RNF130: variants seen among roughly 807,000 people sequenced by gnomAD.
RNF130 encodes ring finger protein 130.
Under a neutral mutation model 44.6 loss-of-function variants are expected in RNF130, and 21 were observed. That is an observed-to-expected ratio of 0.47 (90% CI 0.33 to 0.68). RNF130 has a LOEUF of 0.68. Among genes scored for constraint, RNF130 ranks in the 30% least tolerant of loss-of-function variants. The pLI, the probability that RNF130 is intolerant of heterozygous loss-of-function variation, is 0.02. For synonymous variants in RNF130, 214 were observed against 210.4 expected (o/e 1.02, Z -0.15); for missense variants, 479 against 560.6 (o/e 0.85, Z 1.47).
intron 3 of RNF130, among the ~76,000 whole-genome samples, chr5:180,005,771 T>C (rs1311151944): frequency 6.6e-6 from 1 of 152,202 alleles, no homozygotes; most frequent in Non-Finnish European, 1.5e-5. Context: ...GAATAACTCC[T>C]ATACCACACA....
At chr5:180,025,107 G>C (rs980044457) in intron 2 of RNF130, among the ~76,000 whole-genome samples, 2 of 152,158 alleles carry the variant, frequency 1.3e-5, no homozygotes, top group Admixed American at 6.5e-5. Context: ...GCATCAATGC[G>C]GGGTAGAGAT....
At chr5:180,023,435 G>A (rs1221095507) in intron 2 of RNF130, among the ~76,000 whole-genome samples, 1 of 152,130 alleles carries the variant, frequency 6.6e-6, no homozygotes, top group Admixed American at 6.5e-5. Context: ...TGTCATTACT[G>A]ATAAAGTTCA....
rs1168775902 is a variant in RNF130, at chr5:179,998,857, TTTTATATATATA to T, written c.693+14192_693+14203del. Among the ~76,000 whole-genome samples the T allele has an allele frequency of 1.1e-4, 7 of 65,232 alleles. 1 individual carries two copies. Among genetic ancestry groups the T allele is most frequent in the South Asian group, 4.7e-4 (1 of 2,136 alleles). 42.8% of individuals were successfully genotyped at this position (65,232 alleles called of 152,430 possible). ...TATCTCTCTCTTTAGATCTAGTATT[TTTTATATATATA>T]TATATATATATATATGTTTTATATA... On this transcript the variant is annotated intron_variant, in intron 3 of 8. Coordinates refer to ENST00000521389, the MANE Select transcript of RNF130 (RefSeq NM_018434.6).
At chr5:180,032,227 AAC>A (rs1359902125) in intron 2 of RNF130, among the ~76,000 whole-genome samples, 4 of 152,168 alleles carry the variant, frequency 2.6e-5, no homozygotes, top group African/African-American at 9.7e-5. Flanking sequence ...TTTTTTTATA[AAC>A]AGTGTTTTTG....
At chr5:179,990,761 C>T (rs1362702707) in intron 3 of RNF130, among the ~76,000 whole-genome samples, 1 of 152,232 alleles carries the variant, frequency 6.6e-6, no homozygotes, top group African/African-American at 2.4e-5. Context: ...GGCTCACACT[C>T]TTGTCTTCTG....
chr5:179,970,984 A>C (rs989245494), intron 5 of RNF130, among the ~76,000 whole-genome samples: 1 of 152,224 alleles, frequency 6.6e-6, no homozygotes, highest in Non-Finnish European at 1.5e-5. Flanking sequence ...TAAGCAACTT[A>C]TGTTGAATGT....
At chr5:180,057,084 C>T (rs1234669914) in intron 1 of RNF130, among the ~76,000 whole-genome samples, 1 of 152,200 alleles carries the variant, frequency 6.6e-6, no homozygotes, top group Non-Finnish European at 1.5e-5. Context: ...ACCATACCAG[C>T]GTCTGTGCTA....
chr5:179,937,629 T>G (rs1019785628), intron 7 of RNF130, among the ~76,000 whole-genome samples: 4 of 152,186 alleles, frequency 2.6e-5, no homozygotes, highest in African/African-American at 9.7e-5. Context: ...TTAGCCATTG[T>G]GTAAAAGAGT....
chr5:180,036,845 TAAGA>T (rs55761202), intron 2 of RNF130, among the ~76,000 whole-genome samples: 121,026 of 151,676 alleles, frequency 0.8, 48,492 homozygotes, highest in South Asian at 0.93. Context: ...ACACTCAGCT[TAAGA>T]AATAAAACAT....
At chr5:179,912,014 G>A (rs1755620895) in exon 8 of RNF130, 1 of 152,196 alleles carries the variant, frequency 6.6e-6, no homozygotes, top group South Asian at 2.1e-4. Flanking sequence ...CAAGTGCATA[G>A]TTTCCTTTTC....
chr5:180,041,848 A>G (rs1461103399), intron 1 of RNF130, among the ~76,000 whole-genome samples: 3 of 152,198 alleles, frequency 2.0e-5, no homozygotes, highest in Non-Finnish European at 2.9e-5. Flanking sequence ...AAGCCGAGGC[A>G]GGTAGATTGC....
At chr5:179,949,762 C>CGCTTGGCACGCA (rs1261708832) in intron 7 of RNF130, among the ~76,000 whole-genome samples, 5 of 152,176 alleles carry the variant, frequency 3.3e-5, no homozygotes, top group Non-Finnish European at 7.3e-5. Context: ...CAGCCTGCGT[C>CGCTTGGCACGCA]GCTTGGCACG....
At chr5:180,026,399 G>T (rs1391337217) in intron 2 of RNF130, among the ~76,000 whole-genome samples, 2 of 152,138 alleles carry the variant, frequency 1.3e-5, no homozygotes, top group African/African-American at 4.8e-5. Context: ...TTTCAGACAA[G>T]TATGCATTAT....
At chr5:180,030,322 T>C (rs765872376) in intron 2 of RNF130, among the ~76,000 whole-genome samples, 1 of 152,172 alleles carries the variant, frequency 6.6e-6, no homozygotes, top group African/African-American at 2.4e-5. Flanking sequence ...AATCTTGTAT[T>C]TGTGTTGCTT....
intron 3 of RNF130, among the ~76,000 whole-genome samples, chr5:180,000,834 T>C (rs1763317885): frequency 1.3e-5 from 2 of 152,248 alleles, no homozygotes; most frequent in Non-Finnish European, 2.9e-5. Flanking sequence ...TGAGTTTCCA[T>C]ACGATCATAA....
At chr5:179,956,208 C>T (rs1561668227) in intron 8 of RNF130, 2 of 152,570 alleles carry the variant, frequency 1.3e-5, no homozygotes, top group Non-Finnish European at 2.9e-5. Context: ...CTGCTGCCCT[C>T]TCTGCAGCCC....
intron 7 of RNF130, among the ~76,000 whole-genome samples, chr5:179,941,191 C>T (rs891967542): frequency 1.1e-4 from 16 of 152,150 alleles, no homozygotes; most frequent in African/African-American, 3.9e-4. Flanking sequence ...GTCTTATCTC[C>T]TGGCTTGCCT....
At chr5:180,007,270 A>G (rs970008001) in intron 3 of RNF130, among the ~76,000 whole-genome samples, 3 of 152,060 alleles carry the variant, frequency 2.0e-5, no homozygotes, top group African/African-American at 4.8e-5. Context: ...GCATGGTGAC[A>G]CACATCTTTA....
rs139328368 is a variant in RNF130, at chr5:180,012,129, G to A, written c.693+932C>T. ...TGCTCAAGAAACTGTCCAACAGGGT[G>A]AGGGGTCATGGTGAACTGGTGGTGC... is the stretch of plus-strand genomic sequence containing the variant. On this transcript the variant is annotated intron_variant, in intron 3 of 8. Coordinates refer to ENST00000521389, the MANE Select transcript of RNF130 (RefSeq NM_018434.6). 4.0e-4 allele frequency among the ~76,000 whole-genome samples: 61 copies of A among 152,284 alleles called. 1 individual carries two copies. In the Middle Eastern group the frequency reaches 0.01, roughly 25 times the overall value.
Sources: gnomAD v4.1 joint callset for allele counts (sites outside exome capture counted in the v4.1 genomes callset) on GRCh38, gnomAD v4.1.1 for gene constraint, MANE v1.5 for transcripts, NCBI Gene and HGNC (gene_info 2026-07-23, HGNC 2026-07-21) for gene names.